Variants in SMARCA1 observed in about 807,000 individuals in gnomAD.
The protein encoded by SMARCA1 is SNF2 related chromatin remodeling ATPase 1, also known as SWI/SNF-related matrix-associated actin-dependent regulator of chromatin subfamily A member 1.
Under a neutral mutation model 93.6 loss-of-function variants are expected in SMARCA1, and 17 were observed. The observed-to-expected ratio is 0.18, with a 90% CI of 0.12 to 0.27. The LOEUF is 0.27. Ranked by LOEUF, SMARCA1 falls within the 10% of genes least tolerant of loss-of-function variation. The pLI, the probability that SMARCA1 is intolerant of heterozygous loss-of-function variation, is 1.00. For synonymous variants in SMARCA1, 271 were observed against 271.4 expected (o/e 1.00, Z 0.01); for missense variants, 630 against 819.0 (o/e 0.77, Z 2.82).
Position 129,448,367 on chromosome X carries a change from G to GCT in SMARCA1, c.3105_3106dup (p.Ala1036GlufsTer34). ...TTTAGTTGCCCGTTTCTTCTTTTCT[G>GCT]CTCTCTCTCTTTCCTCAATTTCCAT... On this transcript the variant is annotated frameshift_variant, in exon 24 of 25. Transcript: ENST00000371121. LOFTEE classifies it high-confidence loss of function. The GCT allele has an allele frequency of 8.3e-7, 1 of 1,198,220 alleles. No homozygotes were observed. Among genetic ancestry groups the GCT allele is most frequent in the Non-Finnish European group, 1.1e-6 (1 of 884,042 alleles).
intron 24 of SMARCA1, 94 bp from the exon 25 acceptor site, chrX:129,447,327 A>AC: frequency 1.1e-6 from 1 of 945,303 alleles, no homozygotes; most frequent in East Asian, 3.5e-5. Flanking sequence ...ATTAAAAAAA[A>AC]ATTTTAACAT....
intron 4 of SMARCA1, 48 bp from the exon 5 acceptor site, chrX:129,515,835 A>G: frequency 8.7e-7 from 1 of 1,153,700 alleles, no homozygotes. Context: ...AACATACTCA[A>G]GTAAAATTTT....
intron 5 of SMARCA1, among the ~76,000 whole-genome samples, chrX:129,513,546 A>T (rs1234982349): frequency 1.0e-5 from 1 of 99,110 alleles, no homozygotes; most frequent in Non-Finnish European, 2.0e-5. Flanking sequence ...ATATATATAT[A>T]TTAAAAAAAG....
At position 129,465,047 on chromosome X, in the gene SMARCA1, C is replaced by T. The variant is rs1303517569; in HGVS notation, c.3030+473G>A. Among the ~76,000 whole-genome samples the T allele has an allele frequency of 2.7e-5, 3 of 110,390 alleles. No individual in the cohort carries two copies. In the East Asian group the frequency reaches 8.5e-4, roughly 31 times the overall value. On this transcript the variant is annotated intron_variant, in intron 23 of 24. Transcript: ENST00000371121. The stretch of plus-strand genomic sequence containing the variant: ...ATGTAATGTGTGAAACTTGCAGGAT[C>T]ATCAATTTTAAAAAAAACAGCTATA...
At chrX:129,454,338 CT>C (rs1932482041) in intron 23 of SMARCA1, among the ~76,000 whole-genome samples, 1 of 112,171 alleles carries the variant, frequency 8.9e-6, no homozygotes, top group Non-Finnish European at 1.9e-5. Flanking sequence ...CCATAAAAAC[CT>C]TACAAGAAAA....
chrX:129,519,453 C>G (rs1602742841), intron 1 of SMARCA1, among the ~76,000 whole-genome samples: 1 of 111,645 alleles, frequency 9.0e-6, no homozygotes, highest in East Asian at 2.8e-4. Context: ...AAACTTAGGT[C>G]AAAAATCAAC....
At chrX:129,489,380 T>C (rs971564975) in intron 15 of SMARCA1, among the ~76,000 whole-genome samples, 5 of 112,138 alleles carry the variant, frequency 4.5e-5, no homozygotes, top group Non-Finnish European at 7.5e-5. Flanking sequence ...AAAGGTACCC[T>C]CTAATATGTT....
At chrX:129,501,316 GAC>G (rs1455206704) in intron 9 of SMARCA1, among the ~76,000 whole-genome samples, 4 of 105,616 alleles carry the variant, frequency 3.8e-5, no homozygotes, top group Non-Finnish European at 7.7e-5. Context: ...TTTTTTTTGA[GAC>G]AGAGTCTCGC....
intron 14 of SMARCA1, among the ~76,000 whole-genome samples, chrX:129,490,994 T>C (rs1167159877): frequency 8.9e-6 from 1 of 111,915 alleles, no homozygotes; most frequent in African/African-American, 3.2e-5. Context: ...GCTATCACTA[T>C]TAGATTTTCC....
chrX:129,522,651 TGAAA>T (rs1463812544), intron 1 of SMARCA1, among the ~76,000 whole-genome samples: 2 of 110,697 alleles, frequency 1.8e-5, no homozygotes, highest in Non-Finnish European at 3.8e-5. Flanking sequence ...ACATTGCCAA[TGAAA>T]GAAAGAAATG....
intron 19 of SMARCA1, among the ~76,000 whole-genome samples, chrX:129,480,414 C>T (rs959765459): frequency 8.9e-6 from 1 of 112,336 alleles, no homozygotes; most frequent in Non-Finnish European, 1.9e-5. Flanking sequence ...GTTCTCTCTA[C>T]ATATTCTTTA....
chrX:129,520,138 C>CTTGTGTGT (rs1556327844), intron 1 of SMARCA1, among the ~76,000 whole-genome samples: 1 of 96,726 alleles, frequency 1.0e-5, no homozygotes, highest in East Asian at 3.3e-4. Context: ...AACCTTCTCT[C>CTTGTGTGT]GTGTGTGTGT....
intron 11 of SMARCA1, 141 bp downstream of exon 11, chrX:129,497,704 C>T: frequency 2.2e-6 from 1 of 452,434 alleles, no homozygotes; most frequent in Non-Finnish European, 3.9e-6. Flanking sequence ...GTACACCCAG[C>T]CTGTAGGACA....
intron 3 of SMARCA1, 35 bp from the exon 4 acceptor site, chrX:129,516,029 C>T (rs1453901118): frequency 1.0e-6 from 1 of 1,002,881 alleles, no homozygotes; most frequent in Admixed American, 2.3e-5. Flanking sequence ...TCATATTCGA[C>T]CTAAATGATA....
chrX:129,473,087 G>T lies in SMARCA1; in HGVS notation c.2443-1761C>A, dbSNP rs182587028. On this transcript the variant is annotated intron_variant, in intron 19 of 24. Coordinates refer to ENST00000371121, the MANE Select transcript of SMARCA1 (RefSeq NM_001282874.2). ...AAATGTGCAGGAAGGCGCATATGGG[G>T]TTTATGTTGAAAAGAGATAAGAAAC... Among the ~76,000 whole-genome samples the T allele has an allele frequency of 2.1e-3, 230 of 111,533 alleles. 3 individuals are homozygous for T. Among genetic ancestry groups the T allele is most frequent in the Admixed American group, 0.018 (184 of 10,403 alleles).
At chrX:129,496,623 G>A in intron 12 of SMARCA1, 127 bp downstream of exon 12, 2 of 504,639 alleles carry the variant, frequency 4.0e-6, no homozygotes, top group Non-Finnish European at 3.3e-6. Context: ...GAGAGAAAGA[G>A]ATGCTAATGA....
At position 129,518,406 on chromosome X, in the gene SMARCA1, C is replaced by T. The variant is rs1183175626; in HGVS notation, c.216G>A (p.Ala72=). The change falls in exon 2 of 25, where the codon GCG becomes GCA. Residue 72 remains alanine (A), a synonymous_variant. Transcript: ENST00000371121. ...SSFQLKLAAK[A]PKSEKEMDPE... Reference sequence around the variant, plus strand: ...GGTCCATTTCCTTTTCAGATTTAGGCGCTTTAGCAGCAAGTTTGAGTTGAA... The same window carrying T: ...GGTCCATTTCCTTTTCAGATTTAGGTGCTTTAGCAGCAAGTTTGAGTTGAA... 5 of 1,194,564 alleles carry T rather than the reference C, an allele frequency of 4.2e-6. No individual in the cohort carries two copies. Among genetic ancestry groups the T allele is most frequent in the East Asian group, 3.0e-5 (1 of 33,180 alleles).
At chrX:129,478,821 T>A (rs763819502) in intron 19 of SMARCA1, among the ~76,000 whole-genome samples, 1 of 112,030 alleles carries the variant, frequency 8.9e-6, no homozygotes, top group East Asian at 2.8e-4. Flanking sequence ...CCAAATGTCA[T>A]GCCACACCAT....
rs1335861698 is a variant in SMARCA1, at chrX:129,447,206, T to C, written c.3169A>G (p.Thr1057Ala). 8.8e-7 allele frequency: 1 copy of C among 1,140,590 alleles called. No individual in the cohort carries two copies. The highest frequency in any genetic ancestry group is 1.2e-6 in the Non-Finnish European group (1 of 860,760). The allele number at this position is 1,140,590 out of a possible 1,213,427, so 94.0% of individuals were successfully genotyped here. Residue 1057 changes from threonine to alanine, a missense_variant, in exon 25 of 25, where the codon ACT becomes GCT. This residue lies in a region of SMARCA1 where 93 missense variants were observed against 160.8 expected (regional missense o/e 0.58). Coordinates refer to ENST00000371121, the MANE Select transcript of SMARCA1 (RefSeq NM_001282874.2). ...ACATCCTTCTTTCCAGAGCTCTCAGTAGCTGACTCTGCTTTTCTTTTCTGT... is the reference window on the plus strand; with the variant it reads ...ACATCCTTCTTTCCAGAGCTCTCAGCAGCTGACTCTGCTTTTCTTTTCTGT... ...MSQKRKAESA[T>A]ESSGKKDVKK...
Sources: gnomAD v4.1 joint callset for allele counts (sites outside exome capture counted in the v4.1 genomes callset) on GRCh38, gnomAD v4.1.1 for gene constraint, gnomAD v4.1.1 regional missense constraint, MANE v1.5 for transcripts, NCBI Gene and HGNC (gene_info 2026-07-23, HGNC 2026-07-21) for gene names.